ACAD11: variants seen among roughly 807,000 people sequenced by gnomAD.
ACAD11 encodes the protein acyl-Coenzyme A dehydrogenase family, member 11.
Under a neutral mutation model 102.2 loss-of-function variants are expected in ACAD11, and 83 were observed. The ratio of observed to expected loss-of-function variants is 0.81; its 90% confidence interval spans 0.68 to 0.97. The LOEUF (loss-of-function observed/expected upper bound fraction) is 0.97, where lower values mean the gene tolerates loss of function less well. ACAD11 is among the 50% of genes least tolerant of loss of function. The pLI is 0.00. For synonymous variants in ACAD11, 324 were observed against 319.8 expected (o/e 1.01, Z -0.14); for missense variants, 901 against 951.7 (o/e 0.95, Z 0.70).
chr3:132,558,698 C>T lies in ACAD11; in HGVS notation c.*273G>A, dbSNP rs1460766550. On this transcript the variant is annotated 3_prime_UTR_variant, in exon 20 of 20. Transcript: ENST00000264990. The stretch of plus-strand genomic sequence containing the variant: ...AAATTTTTTGTAGCAATGGGGGTCT[C>T]GCTATGTTGCCCAGGCTGGTCCTGA... 2.4e-5 allele frequency: 8 copies of T among 332,590 alleles called. No individual in the cohort carries two copies. Among genetic ancestry groups the T allele is most frequent in the Non-Finnish European group, 3.2e-5 (6 of 184,984 alleles). 20.6% of individuals were successfully genotyped at this position (332,590 alleles called of 1,614,324 possible).
intron 17 of ACAD11, among the ~76,000 whole-genome samples, chr3:132,566,572 A>T (rs1056304129): frequency 6.6e-6 from 1 of 152,172 alleles, no homozygotes; most frequent in African/African-American, 2.4e-5. Flanking sequence ...AAATCTTGAA[A>T]GCACCAGAGA....
intron 5 of ACAD11, among the ~76,000 whole-genome samples, chr3:132,635,622 C>T (rs1382506547): frequency 1.3e-5 from 2 of 152,120 alleles, no homozygotes; most frequent in Non-Finnish European, 2.9e-5. Context: ...ACACCTCTTA[C>T]ACAGGGTTAG....
chr3:132,603,260 A>G lies in ACAD11; in HGVS notation c.1590T>C (p.Tyr530=), dbSNP rs750033830. 1.4e-5 allele frequency: 23 copies of G among 1,614,010 alleles called. No individual in the cohort carries two copies. In the South Asian group the frequency reaches 1.5e-4, roughly 11 times the overall value. The part of the protein sequence containing the change: ...ECSIQRDEDS[Y]VINGKKWWSS... ...TCCACCATTTTTTGCCGTTAATTAC[A>G]TAGCTATCTTCATCTCGTTGGATGC... Residue 530 remains tyrosine (Y), a synonymous_variant, in exon 13 of 20, where the codon TAT becomes TAC. Coordinates refer to ENST00000264990, the MANE Select transcript of ACAD11 (RefSeq NM_032169.5).
At chr3:132,585,727 G>A (rs1187589824) in intron 13 of ACAD11, among the ~76,000 whole-genome samples, 6 of 152,174 alleles carry the variant, frequency 3.9e-5, no homozygotes, top group Non-Finnish European at 2.9e-5. Context: ...GCAGCCAAAA[G>A]ACACATGAAA....
chr3:132,631,884 T>A (rs1042854565), intron 5 of ACAD11, among the ~76,000 whole-genome samples: 7 of 152,236 alleles, frequency 4.6e-5, no homozygotes, highest in African/African-American at 1.7e-4. Flanking sequence ...AATGTACTAC[T>A]CCATCCATGG....
chr3:132,608,045 T>TA (rs1938926512), intron 11 of ACAD11, among the ~76,000 whole-genome samples: 1 of 151,974 alleles, frequency 6.6e-6, no homozygotes, highest in Admixed American at 6.6e-5. Context: ...GAAGGAAAAA[T>TA]AAAATCCTTT....
chr3:132,580,329 A>G (rs185940413), intron 13 of ACAD11, among the ~76,000 whole-genome samples: 1 of 152,216 alleles, frequency 6.6e-6, no homozygotes, highest in East Asian at 1.9e-4. Context: ...AGTTAAAAGG[A>G]TAAACTCCAT....
chr3:132,634,633 A>G (rs1940198503), intron 5 of ACAD11, among the ~76,000 whole-genome samples: 1 of 152,200 alleles, frequency 6.6e-6, no homozygotes. Flanking sequence ...ACTACTCACA[A>G]TAGCAAAGAC....
At chr3:132,645,773 T>C (rs1419477712) in intron 1 of ACAD11, 5 of 152,350 alleles carry the variant, frequency 3.3e-5, no homozygotes, top group Admixed American at 2.0e-4. Context: ...CCAGTGTCTA[T>C]GTCTTCTATA....
At chr3:132,594,173 A>G (rs866584284) in intron 13 of ACAD11, among the ~76,000 whole-genome samples, 4 of 152,164 alleles carry the variant, frequency 2.6e-5, no homozygotes, top group South Asian at 2.1e-4. Flanking sequence ...AGGGCTTTGT[A>G]TGTGTCTGAA....
rs1301597708 is a variant in ACAD11, at chr3:132,659,693, A to G, written c.59T>C (p.Phe20Ser). The change falls in exon 1 of 20, where the codon TTC (phenylalanine) becomes TCC (serine). Residue 20 changes from phenylalanine to serine, a missense_variant. Coordinates refer to ENST00000264990, the MANE Select transcript of ACAD11 (RefSeq NM_032169.5). ...GTAGGCCTCCAGGGACTTGCTGTCG[A>G]ACTTGTGCTGGGGCAGCACTTCGGC... ...DLAEVLPQHKFDSKSLEAYLN... is the reference protein window; with the variant it reads ...DLAEVLPQHKSDSKSLEAYLN... The G allele has an allele frequency of 4.3e-6, 7 of 1,612,070 alleles. No individual in the cohort carries two copies. In the South Asian group the frequency reaches 7.7e-5, roughly 18 times the overall value.
chr3:132,612,158 A>T (rs1939183099), intron 11 of ACAD11, among the ~76,000 whole-genome samples: 1 of 152,050 alleles, frequency 6.6e-6, no homozygotes. Flanking sequence ...GTGCTGGGAA[A>T]ACTGGCTAGC....
chr3:132,594,876 A>G (rs55993287), intron 13 of ACAD11, among the ~76,000 whole-genome samples: 62,345 of 152,076 alleles, frequency 0.41, 15,699 homozygotes, highest in East Asian at 0.71. Flanking sequence ...AATAATCAAA[A>G]TGGACAGTAG....
intron 9 of ACAD11, among the ~76,000 whole-genome samples, chr3:132,624,747 C>T (rs753503702): frequency 7.9e-5 from 12 of 151,694 alleles, no homozygotes; most frequent in Non-Finnish European, 1.6e-4. Context: ...AGTGCAGTGG[C>T]GCAATCTCGG....
chr3:132,594,231 T>C (rs1938205295), intron 13 of ACAD11, among the ~76,000 whole-genome samples: 1 of 152,184 alleles, frequency 6.6e-6, no homozygotes, highest in South Asian at 2.1e-4. Flanking sequence ...ATTATAGCAT[T>C]ACAACCGATT....
At chr3:132,576,920 G>C in intron 16 of ACAD11, 24 bp downstream of exon 16, 1 of 1,521,790 alleles carries the variant, frequency 6.6e-7, no homozygotes, top group Non-Finnish European at 9.1e-7. Flanking sequence ...CAATACTGAA[G>C]AATCATTTCC....
chr3:132,562,735 T>C (rs537005511), intron 17 of ACAD11, among the ~76,000 whole-genome samples: 1 of 152,236 alleles, frequency 6.6e-6, no homozygotes, highest in Non-Finnish European at 1.5e-5. Context: ...TTTGGTGATA[T>C]GTCTGTTAAA....
At chr3:132,578,087 G>T (rs369078276) in intron 15 of ACAD11, among the ~76,000 whole-genome samples, 1 of 152,130 alleles carries the variant, frequency 6.6e-6, no homozygotes, top group Non-Finnish European at 1.5e-5. Context: ...GGCTGGGCCC[G>T]GTGGCTCATA....
intron 13 of ACAD11, among the ~76,000 whole-genome samples, chr3:132,580,570 T>C (rs1937583341): frequency 6.6e-6 from 1 of 152,040 alleles, no homozygotes; most frequent in African/African-American, 2.4e-5. Flanking sequence ...ATAAAAAGTA[T>C]TAATGGTAAT....
Sources: gnomAD v4.1 joint callset for allele counts (sites outside exome capture counted in the v4.1 genomes callset) on GRCh38, gnomAD v4.1.1 for gene constraint, MANE v1.5 for transcripts, NCBI Gene and HGNC (gene_info 2026-07-23, HGNC 2026-07-21) for gene names.